TLE3: variants seen among roughly 807,000 people sequenced by gnomAD.
TLE3 encodes the protein transducin-like enhancer protein 3.
Under a neutral mutation model 93.0 loss-of-function variants are expected in TLE3, and 14 were observed. The ratio of observed to expected loss-of-function variants is 0.15; its 90% CI spans 0.10 to 0.24. The LOEUF is 0.24. TLE3 is among the 10% of genes least tolerant of loss of function. TLE3 has a pLI of 1.00. For missense variants in TLE3, 693 were observed against 1,046.6 expected, an observed-to-expected ratio of 0.66 and a Z score of 4.66; for synonymous variants, 451 against 425.0, an observed-to-expected ratio of 1.06 and a Z score of -0.75.
intron 5 of TLE3, 89 bp downstream of exon 5, chr15:70,076,007 T>G: frequency 8.1e-7 from 1 of 1,241,236 alleles, no homozygotes; most frequent in East Asian, 2.3e-5. Flanking sequence ...AGGCTGGGGC[T>G]GGGGCTGGGG....
chr15:70,062,500 A>G (rs1343161876), intron 8 of TLE3, among the ~76,000 whole-genome samples: 1 of 152,144 alleles, frequency 6.6e-6, no homozygotes, highest in East Asian at 1.9e-4. Context: ...GCTACCGGAG[A>G]GTCATGTCAG....
chr15:70,087,394 T>C, intron 4 of TLE3, among the ~76,000 whole-genome samples: 1 of 152,218 alleles, frequency 6.6e-6, no homozygotes, highest in East Asian at 1.9e-4. Context: ...GCTGCTAAGA[T>C]GAAAATGTCG....
At position 70,057,454 on chromosome 15, in the gene TLE3, C is replaced by G; in HGVS notation, c.1251+5G>C. Reference sequence around the variant, plus strand: ...CCCAAGAAAGGAGCCAAAAGGTCTACGTACAGCTCCAAAGCTCACCATTGG... The same window carrying G: ...CCCAAGAAAGGAGCCAAAAGGTCTAGGTACAGCTCCAAAGCTCACCATTGG... On this transcript the variant is annotated splice_donor_5th_base_variant and intron_variant, in intron 13 of 19. Transcript: ENST00000451782. 6.3e-7 allele frequency: 1 copy of G among 1,593,806 alleles called. No homozygotes were observed.
intron 14 of TLE3, 96 bp downstream of exon 14, chr15:70,056,202 C>A (rs1226242993): frequency 3.2e-5 from 44 of 1,361,666 alleles, no homozygotes; most frequent in Middle Eastern, 3.5e-4. Context: ...AGGGCAAACC[C>A]TTGGTCAGGG....
chr15:70,080,643 A>G (rs943156635), intron 4 of TLE3, among the ~76,000 whole-genome samples: 1 of 152,202 alleles, frequency 6.6e-6, no homozygotes, highest in Non-Finnish European at 1.5e-5. Flanking sequence ...GCGCCTTAGT[A>G]GCTCCCATTT....
In TLE3 at chr15:70,053,281, G is replaced by A. The variant is rs369858473; in HGVS notation, c.1920C>T (p.Arg640=). The A allele has an allele frequency of 7.5e-6, 12 of 1,609,284 alleles. No individual in the cohort carries two copies. Among genetic ancestry groups the A allele is most frequent in the Non-Finnish European group, 1.0e-5 (12 of 1,177,868 alleles). Residue 640 remains arginine (R), a synonymous_variant, in exon 17 of 20, where the codon CGC becomes CGT. Coordinates refer to ENST00000451782, the MANE Select transcript of TLE3 (RefSeq NM_001105192.3). ...LWTGGLDNTV[R]SWDLREGRQL... ...GTCGGCCCTCCCGCAGGTCCCAGGA[G>A]CGCACCGTGTTGTCCAGGCCCCCTG...
rs555227476 is a variant in TLE3, at chr15:70,049,947, G to T, written c.*150C>A. 25 of 631,052 alleles carry T rather than the reference G, an allele frequency of 4.0e-5. No individual in the cohort carries two copies. The East Asian group carries it at 5.6e-4, about 14-fold the overall frequency. The allele number at this position is 631,052 out of a possible 1,614,324, so 39.1% of individuals were successfully genotyped here. A position where few individuals can be genotyped will look rare whatever the true frequency, so the allele number is the denominator to read the frequency against. On this transcript the variant is annotated 3_prime_UTR_variant, in exon 20 of 20. Coordinates refer to ENST00000451782, the MANE Select transcript of TLE3 (RefSeq NM_001105192.3). ...AGGAGTCCAGACTGTGACGGGGCAC[G>T]TGCCCTCTCAGCCGGCCGGAGCGCA...
Position 70,073,286 on chromosome 15 carries a change from G to C in TLE3, c.372+1247C>G, listed in dbSNP as rs1437081274. 2.6e-5 allele frequency among the ~76,000 whole-genome samples: 4 copies of C among 152,174 alleles called. No homozygotes were observed. The East Asian group carries it at 5.8e-4, about 22-fold the overall frequency. On this transcript the variant is annotated intron_variant, in intron 6 of 19. Transcript: ENST00000451782. ...AGAAACTGAGGCCCAAGGAAGAGAAGGGACTTGCCAAAGGTCACATCGGGG... is the reference window on the plus strand; with the variant it reads ...AGAAACTGAGGCCCAAGGAAGAGAACGGACTTGCCAAAGGTCACATCGGGG...
At chr15:70,082,334 C>G (rs1364390859) in intron 4 of TLE3, among the ~76,000 whole-genome samples, 1 of 151,764 alleles carries the variant, frequency 6.6e-6, no homozygotes, top group African/African-American at 2.4e-5. Context: ...CATGGGGGGG[C>G]CGGGGGACAG....
At chr15:70,066,895 C>T (rs569238754) in intron 6 of TLE3, 4 of 381,374 alleles carry the variant, frequency 1.0e-5, no homozygotes, top group African/African-American at 2.1e-5. Context: ...AGCTGTGTGG[C>T]CTGGGGCAGG....
At chr15:70,084,111 T>C (rs1284585093) in intron 4 of TLE3, among the ~76,000 whole-genome samples, 1 of 152,220 alleles carries the variant, frequency 6.6e-6, no homozygotes, top group Non-Finnish European at 1.5e-5. Flanking sequence ...ATCTCTCATT[T>C]TACAGATGAG....
chr15:70,058,688 G>A lies in TLE3; in HGVS notation c.893C>T (p.Ser298Phe), dbSNP rs1349799159. 2 of 1,606,182 alleles carry A rather than the reference G, an allele frequency of 1.2e-6. No homozygotes were observed. The highest frequency in any genetic ancestry group is 2.2e-5 in the East Asian group (1 of 44,738). The change falls in exon 11 of 20, where the codon TCC (serine) becomes TTC (phenylalanine). Residue 298 changes from serine (S) to phenylalanine (F), a missense_variant. Coordinates refer to ENST00000451782, the MANE Select transcript of TLE3 (RefSeq NM_001105192.3). The surrounding 1 kb of genome is among the most constrained non-coding windows in gnomAD (Gnocchi z 4.1). ...ATGACCAAGGTCTTTGGTCTTGGAGGAAGGTGTGCTACTGGAAGAGGCCAC... is the reference window on the plus strand; with the variant it reads ...ATGACCAAGGTCTTTGGTCTTGGAGAAAGGTGTGCTACTGGAAGAGGCCAC... ...ASVASSSSTP[S>F]SKTKDLGHND...
intron 7 of TLE3, 92 bp downstream of exon 7, chr15:70,065,922 G>C (rs141303043): frequency 7.3e-7 from 1 of 1,368,590 alleles, no homozygotes; most frequent in Non-Finnish European, 1.0e-6. Flanking sequence ...GTCTTAGGAC[G>C]ACAGCACTTG....
chr15:70,058,577 C>A lies in TLE3; in HGVS notation c.918+86G>T. 1 of 1,485,062 alleles carries A rather than the reference C, an allele frequency of 6.7e-7. No homozygotes were observed. The highest frequency in any genetic ancestry group is 2.5e-5 in the East Asian group (1 of 40,334). The allele number at this position is 1,485,062 out of a possible 1,614,324, so 92.0% of individuals were successfully genotyped here. ...AATCACCCACCCAGCTTCTCCCACT[C>A]CACCCCTCTGCCTGCCAATCGGCAC... On this transcript the variant is annotated intron_variant, in intron 11 of 19. Transcript: ENST00000451782. The surrounding 1 kb of genome is among the most constrained non-coding windows in gnomAD (Gnocchi z 4.1).
At chr15:70,061,918 G>C (rs888863150) in intron 8 of TLE3, among the ~76,000 whole-genome samples, 1 of 151,584 alleles carries the variant, frequency 6.6e-6, no homozygotes, top group Non-Finnish European at 1.5e-5. Flanking sequence ...CTGTTCAGAA[G>C]AGAAGAGCAT....
chr15:70,056,078 C>T (rs1444416740), intron 14 of TLE3: 12 of 619,716 alleles, frequency 1.9e-5, no homozygotes, highest in East Asian at 1.1e-4. Flanking sequence ...GCTCCTCTGT[C>T]GGAGGGAGCT....
chr15:70,097,173 G>A lies in TLE3; in HGVS notation c.-375C>T. 2.4e-6 allele frequency: 1 copy of A among 417,206 alleles called. No individual in the cohort carries two copies. Among genetic ancestry groups the A allele is most frequent in the South Asian group, 8.8e-5 (1 of 11,420 alleles). The allele number at this position is 417,206 out of a possible 1,614,324, so 25.8% of individuals were successfully genotyped here. A position where few individuals can be genotyped will look rare whatever the true frequency, so the allele number is the denominator to read the frequency against. On this transcript the variant is annotated 5_prime_UTR_variant, in exon 1 of 20. Coordinates refer to ENST00000451782, the MANE Select transcript of TLE3 (RefSeq NM_001105192.3). ...AGGTCCGGCGCGGGGTCCCGAGGCC[G>A]GGGGCCCCTCCTGGGGCGAGCTCGG...
intron 7 of TLE3, 94 bp downstream of exon 7, chr15:70,065,920 A>T: frequency 7.3e-7 from 1 of 1,366,096 alleles, no homozygotes. Flanking sequence ...TGGTCTTAGG[A>T]CGACAGCACT....
intron 19 of TLE3, 153 bp downstream of exon 19, chr15:70,051,238 C>T (rs755845918): frequency 6.0e-6 from 4 of 665,794 alleles, no homozygotes; most frequent in African/African-American, 1.9e-5. Context: ...ATCTTGCTCC[C>T]CTATCAGGTA....
Sources: gnomAD v4.1 joint callset for allele counts (sites outside exome capture counted in the v4.1 genomes callset) on GRCh38, gnomAD v4.1.1 for gene constraint, Gnocchi (gnomAD v3.1) non-coding constraint, MANE v1.5 for transcripts, NCBI Gene and HGNC (gene_info 2026-07-23, HGNC 2026-07-21) for gene names.